EDN1: variants seen among roughly 807,000 people sequenced by gnomAD.
EDN1 encodes the protein endothelin 1, also known as endothelin-1.
EDN1 carries 11 observed loss-of-function variants against 21.7 expected under a neutral mutation model. That is an observed-to-expected ratio of 0.51 (90% CI 0.32 to 0.84). EDN1 has a LOEUF of 0.84. Ranked by LOEUF, EDN1 falls within the 40% of genes least tolerant of loss-of-function variation. The pLI, the probability that EDN1 is intolerant of heterozygous loss-of-function variation, is 0.03. For synonymous variants in EDN1, 85 were observed against 90.6 expected (o/e 0.94, Z 0.35); for missense variants, 244 against 262.3 (o/e 0.93, Z 0.48).
chr6:12,233,190 C>T, the EDN1 span, among the ~76,000 whole-genome samples: 3 of 152,356 alleles, frequency 2.0e-5, 1 homozygote, highest in South Asian at 6.2e-4. Flanking sequence ...TTTATTCTGT[C>T]TCCAAGCCTA....
chr6:12,243,730 C>G, the EDN1 span, among the ~76,000 whole-genome samples: 10 of 152,110 alleles, frequency 6.6e-5, no homozygotes, highest in African/African-American at 2.4e-4. Context: ...GTTATATCCC[C>G]AAAAGCCTAT....
At chr6:12,285,491 A>G (rs1459252196), upstream of EDN1, among the ~76,000 whole-genome samples, 1 of 152,234 alleles carries the variant, frequency 6.6e-6, no homozygotes, top group Non-Finnish European at 1.5e-5. Flanking sequence ...AAGATATTGC[A>G]GTTGATGGAA....
the EDN1 span, among the ~76,000 whole-genome samples, chr6:12,239,424 G>A: frequency 6.6e-6 from 1 of 152,056 alleles, no homozygotes; most frequent in Non-Finnish European, 1.5e-5. Flanking sequence ...CAGCAGATAC[G>A]GCCAAGTGAC....
the EDN1 span, among the ~76,000 whole-genome samples, chr6:12,272,540 C>G: frequency 6.7e-6 from 1 of 149,194 alleles, no homozygotes; most frequent in Admixed American, 6.7e-5. Flanking sequence ...TCACTGCAAC[C>G]TGCACCTCCT....
chr6:12,265,178 T>C, the EDN1 span, among the ~76,000 whole-genome samples: 4 of 152,324 alleles, frequency 2.6e-5, no homozygotes, highest in East Asian at 7.7e-4. Context: ...TGTTGTTAGC[T>C]TTGACAGGTT....
At chr6:12,278,662 C>T in the EDN1 span, among the ~76,000 whole-genome samples, 3 of 152,104 alleles carry the variant, frequency 2.0e-5, no homozygotes, top group African/African-American at 2.4e-5. Flanking sequence ...GAGGCCGAGG[C>T]GGGCAGATCA....
upstream of EDN1, among the ~76,000 whole-genome samples, chr6:12,285,678 C>T (rs905204927): frequency 6.6e-6 from 1 of 152,132 alleles, no homozygotes; most frequent in Non-Finnish European, 1.5e-5. Context: ...TTCAATGATT[C>T]TCCTGCCTCA....
chr6:12,278,172 A>G, the EDN1 span, among the ~76,000 whole-genome samples: 1 of 152,232 alleles, frequency 6.6e-6, no homozygotes, highest in African/African-American at 2.4e-5. Context: ...TAGGAAGAGA[A>G]GCAGAAAACC....
At chr6:12,286,714 G>A (rs959887123), upstream of EDN1, among the ~76,000 whole-genome samples, 2 of 152,110 alleles carry the variant, frequency 1.3e-5, no homozygotes, top group South Asian at 2.1e-4. Context: ...CTGTATTGGG[G>A]GCTCAGCATG....
chr6:12,248,361 T>A, the EDN1 span, among the ~76,000 whole-genome samples: 1 of 152,154 alleles, frequency 6.6e-6, no homozygotes, highest in African/African-American at 2.4e-5. Flanking sequence ...TGTCTGTGCC[T>A]TAAGCTACCC....
upstream of EDN1, among the ~76,000 whole-genome samples, chr6:12,287,757 C>CACACACAG: frequency 6.7e-6 from 1 of 148,658 alleles, no homozygotes; most frequent in Non-Finnish European, 1.5e-5. Context: ...CACACACAGG[C>CACACACAG]GCGCGCGCGC....
chr6:12,254,169 T>C, the EDN1 span, among the ~76,000 whole-genome samples: 2 of 152,184 alleles, frequency 1.3e-5, no homozygotes, highest in Non-Finnish European at 2.9e-5. Context: ...AACTGTTGAT[T>C]ATCTCTCCAG....
At chr6:12,255,238 A>G in the EDN1 span, among the ~76,000 whole-genome samples, 2 of 152,346 alleles carry the variant, frequency 1.3e-5, no homozygotes, top group South Asian at 4.1e-4. Flanking sequence ...TCAAAACAAT[A>G]GCACCTTCAT....
the EDN1 span, among the ~76,000 whole-genome samples, chr6:12,285,201 T>C: frequency 6.6e-6 from 1 of 152,206 alleles, no homozygotes; most frequent in African/African-American, 2.4e-5. Context: ...TGTGCATGCA[T>C]GTGTGTCAGT....
At chr6:12,239,603 C>A in the EDN1 span, among the ~76,000 whole-genome samples, 1 of 152,086 alleles carries the variant, frequency 6.6e-6, no homozygotes. Flanking sequence ...AAGTAAAAAT[C>A]CTCTGTTGAA....
At chr6:12,250,017 A>T in the EDN1 span, among the ~76,000 whole-genome samples, 2 of 152,148 alleles carry the variant, frequency 1.3e-5, no homozygotes, top group African/African-American at 4.8e-5. Flanking sequence ...GGAAATGTAC[A>T]TATACACACA....
the EDN1 span, among the ~76,000 whole-genome samples, chr6:12,248,294 C>T: frequency 6.6e-5 from 10 of 152,184 alleles, no homozygotes; most frequent in African/African-American, 1.9e-4. Context: ...GGAACTGAAT[C>T]GGCCACCTTG....
At chr6:12,271,406 T>C in the EDN1 span, among the ~76,000 whole-genome samples, 1 of 152,184 alleles carries the variant, frequency 6.6e-6, no homozygotes, top group African/African-American at 2.4e-5. Context: ...ATAGTTATAA[T>C]AGACTATTTT....
Position 12,292,226 on chromosome 6 carries a change from G to T in EDN1, c.65-115G>T. 5 of 1,420,040 alleles carry T rather than the reference G, an allele frequency of 3.5e-6. No homozygotes were observed. The South Asian group carries it at 5.8e-5, about 16-fold the overall frequency. The allele number at this position is 1,420,040 out of a possible 1,614,324, so 88.0% of individuals were successfully genotyped here. A position where few individuals can be genotyped will look rare whatever the true frequency, so the allele number is the denominator to read the frequency against. ...TTTCTGTGTTTCTTGCTGATGGCAG[G>T]CTGTGTGCTTCATCTGCTTTTATCT... On this transcript the variant is annotated intron_variant, in intron 1 of 4. Transcript: ENST00000379375.
Sources: allele counts gnomAD v4.1 joint callset (sites outside exome capture counted in the v4.1 genomes callset), GRCh38; gene constraint gnomAD v4.1.1; transcripts MANE v1.5; gene names NCBI Gene and HGNC (gene_info 2026-07-23, HGNC 2026-07-21).